The following LHFPL3 variants were observed in gnomAD, a reference collection of about 807,000 sequenced individuals.
LHFPL3 encodes the protein LHFPL tetraspan subfamily member 3, also known as LHFPL tetraspan subfamily member 3 protein.
Under a neutral mutation model 19.3 loss-of-function variants are expected in LHFPL3, and 5 were observed. That is an observed-to-expected ratio of 0.26 (90% confidence interval 0.14 to 0.54). The LOEUF is 0.54. LHFPL3 is among the 20% of genes least tolerant of loss of function. The pLI, the probability that LHFPL3 is intolerant of heterozygous loss-of-function variation, is 0.94. For synonymous variants in LHFPL3, 133 were observed against 126.2 expected (o/e 1.05, Z -0.36); for missense variants, 249 against 307.4 (o/e 0.81, Z 1.42).
chr7:104,631,889 G>A (rs1250826996), intron 1 of LHFPL3, among the ~76,000 whole-genome samples: 1 of 152,142 alleles, frequency 6.6e-6, no homozygotes, highest in African/African-American at 2.4e-5. Context: ...CATCCTTGAG[G>A]GCAGGGAAGA....
At chr7:104,576,085 A>ATC (rs1305476249) in intron 1 of LHFPL3, among the ~76,000 whole-genome samples, 1 of 152,176 alleles carries the variant, frequency 6.6e-6, no homozygotes, top group Non-Finnish European at 1.5e-5. Context: ...TTATAGAATA[A>ATC]TAAGAAGAGT....
chr7:104,876,192 G>A (rs1193716826), intron 2 of LHFPL3, among the ~76,000 whole-genome samples: 2 of 152,110 alleles, frequency 1.3e-5, no homozygotes, highest in Non-Finnish European at 2.9e-5. Context: ...AGAAAACCTA[G>A]GCAATACCAT....
At chr7:104,671,571 C>CAAAAA (rs34805741) in intron 1 of LHFPL3, among the ~76,000 whole-genome samples, 2 of 125,202 alleles carry the variant, frequency 1.6e-5, no homozygotes, top group African/African-American at 3.2e-5. Context: ...CTTTAAAGTT[C>CAAAAA]AAAAAAAAAA....
chr7:104,572,200 T>A (rs773732494), intron 1 of LHFPL3, among the ~76,000 whole-genome samples: 4 of 152,218 alleles, frequency 2.6e-5, no homozygotes, highest in Non-Finnish European at 5.9e-5. Flanking sequence ...TTATTGCGAT[T>A]TTTGCCATTG....
chr7:104,733,860 C>T (rs917723452), intron 1 of LHFPL3, among the ~76,000 whole-genome samples: 5 of 152,184 alleles, frequency 3.3e-5, no homozygotes, highest in African/African-American at 7.2e-5. Flanking sequence ...TGGCTGGGAC[C>T]GGTTATTCCT....
intron 1 of LHFPL3, among the ~76,000 whole-genome samples, chr7:104,504,673 A>G (rs1357301124): frequency 6.6e-6 from 1 of 152,152 alleles, no homozygotes; most frequent in East Asian, 1.9e-4. Context: ...CCTTCAGGTT[A>G]TGTGTTTAAT....
At chr7:104,612,480 A>T (rs1004372491) in intron 1 of LHFPL3, among the ~76,000 whole-genome samples, 5 of 152,312 alleles carry the variant, frequency 3.3e-5, no homozygotes, top group South Asian at 2.1e-4. Flanking sequence ...AAATGAGTGG[A>T]CTTAGGAACA....
At chr7:104,589,769 A>C (rs1003568338) in intron 1 of LHFPL3, among the ~76,000 whole-genome samples, 1 of 152,034 alleles carries the variant, frequency 6.6e-6, no homozygotes, top group Non-Finnish European at 1.5e-5. Context: ...GTAGGCTATT[A>C]ATTATTGCCT....
At chr7:104,728,343 G>A (rs1251132546) in intron 1 of LHFPL3, among the ~76,000 whole-genome samples, 1 of 152,130 alleles carries the variant, frequency 6.6e-6, no homozygotes, top group African/African-American at 2.4e-5. Flanking sequence ...GGCCCTGATA[G>A]TCACAGAACT....
chr7:104,561,796 G>C (rs996886874), intron 1 of LHFPL3, among the ~76,000 whole-genome samples: 2 of 152,148 alleles, frequency 1.3e-5, no homozygotes, highest in African/African-American at 4.8e-5. Flanking sequence ...TTTACATTTT[G>C]GCATGATTTT....
chr7:104,761,609 AT>A (rs1002965021), intron 2 of LHFPL3, among the ~76,000 whole-genome samples: 2 of 152,150 alleles, frequency 1.3e-5, no homozygotes, highest in African/African-American at 4.8e-5. Flanking sequence ...AAAAACAAAA[AT>A]AAAAAGTAGA....
chr7:104,896,424 A>G (rs958159651), intron 2 of LHFPL3, among the ~76,000 whole-genome samples: 2 of 152,184 alleles, frequency 1.3e-5, no homozygotes, highest in Non-Finnish European at 2.9e-5. Context: ...TGGCCCTTGC[A>G]CTTGAGGAGC....
chr7:104,423,463 A>C (rs1048284985), intron 1 of LHFPL3, among the ~76,000 whole-genome samples: 1 of 152,118 alleles, frequency 6.6e-6, no homozygotes, highest in Non-Finnish European at 1.5e-5. Flanking sequence ...AATTAAAAAA[A>C]ATTAGCTGGG....
At chr7:104,748,291 A>G (rs138895321) in intron 2 of LHFPL3, among the ~76,000 whole-genome samples, 10 of 151,826 alleles carry the variant, frequency 6.6e-5, no homozygotes, top group Non-Finnish European at 1.3e-4. Context: ...TCTGAAATAT[A>G]GCCTCGTGGG....
chr7:104,582,293 G>A (rs190689545), intron 1 of LHFPL3, among the ~76,000 whole-genome samples: 124 of 151,930 alleles, frequency 8.2e-4, no homozygotes, highest in Admixed American at 2.2e-3. Flanking sequence ...TAGAAGTGCT[G>A]TTGATTTTTG....
chr7:104,828,862 C>T (rs1188258881), intron 2 of LHFPL3, among the ~76,000 whole-genome samples: 1 of 151,672 alleles, frequency 6.6e-6, no homozygotes, highest in Non-Finnish European at 1.5e-5. Flanking sequence ...TGGTGAAACC[C>T]TGTCTCCACT....
intron 1 of LHFPL3, among the ~76,000 whole-genome samples, chr7:104,389,361 A>G (rs1003235956): frequency 2.6e-5 from 4 of 152,210 alleles, no homozygotes; most frequent in African/African-American, 4.8e-5. Context: ...CATTGTCAAA[A>G]TAAATTAAAA....
chr7:104,496,339 T>C (rs533545417), intron 1 of LHFPL3, among the ~76,000 whole-genome samples: 1 of 152,362 alleles, frequency 6.6e-6, no homozygotes, highest in East Asian at 1.9e-4. Flanking sequence ...ATGGTGTATA[T>C]GTGCCACATT....
rs1794539701 is a variant in LHFPL3 at position 104,770,926 on chromosome 7, A to T, written c.682+34015A>T. On this transcript the variant is annotated intron_variant, in intron 2 of 2. Transcript: ENST00000424859. The stretch of plus-strand genomic sequence containing the variant: ...TGCCCGTCATCCCCTGTAGCATGTC[A>T]GTTTTTTAAGTGTGGGGATATTCAT... 2.6e-5 allele frequency among the ~76,000 whole-genome samples: 4 copies of T among 152,262 alleles called. No homozygotes were observed. In the South Asian group the frequency reaches 8.3e-4, roughly 32 times the overall value.
Sources: allele counts gnomAD v4.1 joint callset (sites outside exome capture counted in the v4.1 genomes callset), GRCh38; gene constraint gnomAD v4.1.1; transcripts MANE v1.5; gene names NCBI Gene and HGNC (gene_info 2026-07-23, HGNC 2026-07-21).